CERK: variants seen among roughly 807,000 people sequenced by gnomAD.
CERK encodes acylsphingosine kinase.
A neutral mutation model predicts 63.4 loss-of-function variants in CERK; 39 were observed. The ratio of observed to expected loss-of-function variants is 0.61; its 90% CI spans 0.48 to 0.80. The LOEUF (loss-of-function observed/expected upper bound fraction) is 0.80. Ranked by LOEUF, CERK falls within the 30% of genes least tolerant of loss-of-function variation. CERK has a pLI of 0.00. For synonymous variants in CERK, 302 were observed against 280.0 expected (o/e 1.08, Z -0.78); for missense variants, 670 against 714.1 (o/e 0.94, Z 0.70).
At chr22:46,705,510 A>G (rs2082808747) in intron 6 of CERK, among the ~76,000 whole-genome samples, 2 of 152,144 alleles carry the variant, frequency 1.3e-5, no homozygotes, top group African/African-American at 4.8e-5. Context: ...TGTTTCTACT[A>G]AAAATACAAA....
chr22:46,692,469 G>A (rs947498078), intron 10 of CERK, among the ~76,000 whole-genome samples: 1 of 150,300 alleles, frequency 6.7e-6, no homozygotes, highest in Admixed American at 6.7e-5. Context: ...AGGTATGGCG[G>A]CAGGCGCCTG....
intron 11 of CERK, among the ~76,000 whole-genome samples, chr22:46,690,934 CAT>C (rs1236010558): frequency 4.6e-5 from 7 of 151,978 alleles, no homozygotes; most frequent in South Asian, 2.1e-4. Context: ...TGCTCAAATA[CAT>C]GTGTGTGTAT....
chr22:46,686,905 C>T lies in CERK; in HGVS notation c.*229G>A, dbSNP rs995076748. ...GCCAGTGCCCCCAAGTGAGCAGCTGCATCCGCTGAGAGTAAGCGGCGTGGG... is the reference window on the plus strand; with the variant it reads ...GCCAGTGCCCCCAAGTGAGCAGCTGTATCCGCTGAGAGTAAGCGGCGTGGG... On this transcript the variant is annotated 3_prime_UTR_variant, in exon 13 of 13. Coordinates refer to ENST00000216264, the MANE Select transcript of CERK (RefSeq NM_022766.6). The T allele has an allele frequency of 3.9e-6, 2 of 513,246 alleles. No individual in the cohort carries two copies. The highest frequency in any genetic ancestry group is 7.0e-6 in the Non-Finnish European group (2 of 284,188). 31.8% of individuals were successfully genotyped at this position (513,246 alleles called of 1,614,324 possible).
chr22:46,710,408 C>G (rs2082834704), intron 5 of CERK, among the ~76,000 whole-genome samples: 1 of 138,862 alleles, frequency 7.2e-6, no homozygotes, highest in African/African-American at 2.7e-5. Context: ...GCCTGGGCAA[C>G]AAGAGCGAAA....
intron 9 of CERK, among the ~76,000 whole-genome samples, chr22:46,694,008 ACT>A (rs1224793910): frequency 6.6e-6 from 1 of 152,096 alleles, no homozygotes; most frequent in African/African-American, 2.4e-5. Context: ...CAAACAGGAC[ACT>A]GTTTGCACTG....
intron 7 of CERK, among the ~76,000 whole-genome samples, chr22:46,700,349 C>T (rs1479170360): frequency 1.3e-5 from 2 of 152,006 alleles, no homozygotes; most frequent in East Asian, 1.9e-4. Flanking sequence ...GCCAAGATCG[C>T]GCCACTGTAC....
At position 46,687,847 on chromosome 22, in the gene CERK, T is replaced by C. The variant is rs142184537; in HGVS notation, c.1542-641A>G. ...AGGACAGCTCTATTTATCTCATTTA[T>C]TAATGATATCACAGCCTCCTCAGAC... On this transcript the variant is annotated intron_variant, in intron 12 of 12. Transcript: ENST00000216264. Among the ~76,000 whole-genome samples, 33 of 152,324 alleles carry C rather than the reference T, an allele frequency of 2.2e-4. 1 individual carries two copies. In the East Asian group the frequency reaches 4.8e-3, roughly 22 times the overall value.
rs1259128415 is a variant in CERK, at chr22:46,702,221, ATATGTGTGTGTG to A, written c.716-523_716-512del. Among the ~76,000 whole-genome samples, 154 of 113,380 alleles carry A rather than the reference ATATGTGTGTGTG, an allele frequency of 1.4e-3. 2 individuals carry two copies. The highest frequency in any genetic ancestry group is 2.0e-3 in the Non-Finnish European group (117 of 58,598). The allele number at this position is 113,380 out of a possible 152,430, so 74.4% of individuals were successfully genotyped here. ...GAGCCAAAAAGTTAAAAAAATATAT[ATATGTGTGTGTG>A]TGTGTGTGTGTGTGTGTGTGTGTGT... On this transcript the variant is annotated intron_variant, in intron 6 of 12. Transcript: ENST00000216264.
intron 5 of CERK, 83 bp downstream of exon 5, chr22:46,711,003 A>G (rs1285368155): frequency 1.8e-6 from 2 of 1,123,910 alleles, no homozygotes; most frequent in South Asian, 1.3e-5. Context: ...CGGATTTAGG[A>G]AAAGGAGCTC....
At chr22:46,700,845 C>T (rs1419007440) in intron 7 of CERK, among the ~76,000 whole-genome samples, 2 of 152,106 alleles carry the variant, frequency 1.3e-5, no homozygotes, top group Non-Finnish European at 2.9e-5. Flanking sequence ...AACCCCATCC[C>T]TACTAAAAGT....
intron 12 of CERK, 67 bp from the exon 13 acceptor site, chr22:46,687,273 T>A: frequency 1.7e-6 from 2 of 1,162,138 alleles, no homozygotes; most frequent in Non-Finnish European, 2.4e-6. Context: ...TGAGCCCCAC[T>A]CCTGGACAGG....
Position 46,690,111 on chromosome 22 carries a change from C to T in CERK, c.1422G>A (p.Glu474=), listed in dbSNP as rs775141833. The stretch of plus-strand genomic sequence containing the variant: ...TGTGCCCAAAGCGCTTCTTCCCCCC[C>T]TCCTTGAGGTCGCTGTCCTCATCCT... ...HMEDEDSDLK[E]GGKKRFGHIC... Residue 474 remains glutamate, a synonymous_variant, in exon 12 of 13, where the codon GAG becomes GAA. Coordinates refer to ENST00000216264, the MANE Select transcript of CERK (RefSeq NM_022766.6). The T allele has an allele frequency of 7.4e-6, 12 of 1,613,996 alleles. No individual in the cohort carries two copies. Among genetic ancestry groups the T allele is most frequent in the African/African-American group, 4.0e-5 (3 of 74,902 alleles).
chr22:46,703,459 G>A (rs976829331), intron 6 of CERK, among the ~76,000 whole-genome samples: 5 of 152,140 alleles, frequency 3.3e-5, no homozygotes, highest in Non-Finnish European at 5.9e-5. Flanking sequence ...ACCACCGGCC[G>A]TGCGCATCCA....
chr22:46,721,301 A>AT lies in CERK; in HGVS notation c.143-287dup, dbSNP rs201415039. On this transcript the variant is annotated intron_variant, in intron 1 of 12. Transcript: ENST00000216264. ...AGAAAAAAGATATACATATATATAT[A>AT]TATTTTTTTGAGACAGAGTCTCACG... Among the ~76,000 whole-genome samples, 718 of 151,808 alleles carry AT rather than the reference A, an allele frequency of 4.7e-3. 7 individuals carry two copies. Among genetic ancestry groups the AT allele is most frequent in the African/African-American group, 0.017 (691 of 41,342 alleles).
At chr22:46,688,614 C>T (rs1010286697) in intron 12 of CERK, among the ~76,000 whole-genome samples, 1 of 152,224 alleles carries the variant, frequency 6.6e-6, no homozygotes, top group Admixed American at 6.5e-5. Context: ...TTCTTAGAGC[C>T]GCAGCTGGCT....
intron 2 of CERK, among the ~76,000 whole-genome samples, chr22:46,720,693 C>T (rs1248496044): frequency 6.6e-6 from 1 of 151,570 alleles, no homozygotes; most frequent in African/African-American, 2.4e-5. Context: ...AAAACTCTGT[C>T]TCAAAAAAAT....
At chr22:46,724,190 T>G (rs1319549905) in intron 1 of CERK, among the ~76,000 whole-genome samples, 1 of 152,220 alleles carries the variant, frequency 6.6e-6, no homozygotes, top group Non-Finnish European at 1.5e-5. Context: ...ACTTACCAGA[T>G]AGTAAACACA....
chr22:46,687,266 GC>G lies in CERK; in HGVS notation c.1542-61del. On this transcript the variant is annotated intron_variant, in intron 12 of 12. Coordinates refer to ENST00000216264, the MANE Select transcript of CERK (RefSeq NM_022766.6). Reference sequence around the variant, plus strand: ...TGTCCCTCACTCAAAGCTGGCCTGAGCCCCACTCCTGGACAGGGGCTGCAGT... The same window carrying G: ...TGTCCCTCACTCAAAGCTGGCCTGAGCCCACTCCTGGACAGGGGCTGCAGT... 3.0e-6 allele frequency: 4 copies of G among 1,338,884 alleles called. No individual in the cohort carries two copies. In the South Asian group the frequency reaches 4.8e-5, roughly 16 times the overall value. The allele number at this position is 1,338,884 out of a possible 1,614,324, so 82.9% of individuals were successfully genotyped here. A position where few individuals can be genotyped will look rare whatever the true frequency, so the allele number is the denominator to read the frequency against.
intron 8 of CERK, 100 bp downstream of exon 8, chr22:46,699,213 G>C: frequency 8.1e-7 from 1 of 1,228,936 alleles, no homozygotes; most frequent in Non-Finnish European, 1.2e-6. Context: ...GCAGGTGGGG[G>C]CCCACCTCTG....
Sources: gnomAD v4.1 joint callset for allele counts (sites outside exome capture counted in the v4.1 genomes callset) on GRCh38, gnomAD v4.1.1 for gene constraint, MANE v1.5 for transcripts, NCBI Gene and HGNC (gene_info 2026-07-23, HGNC 2026-07-21) for gene names.